The following SRGAP2 variants were observed in gnomAD, a reference collection of about 807,000 sequenced individuals.
SRGAP2 encodes the protein SLIT-ROBO Rho GTPase activating protein 2, also known as SLIT-ROBO Rho GTPase-activating protein 2.
Under a neutral mutation model 57.2 loss-of-function variants are expected in SRGAP2, and 15 were observed. The observed-to-expected ratio is 0.26, with a 90% CI of 0.18 to 0.40. The LOEUF is 0.40. Among genes scored for constraint, SRGAP2 ranks in the 10% least tolerant of loss-of-function variants. The pLI is 1.00. For synonymous variants in SRGAP2, 249 were observed against 248.0 expected, an observed-to-expected ratio of 1.00 and a Z score of -0.04; for missense variants, 520 against 669.6, an observed-to-expected ratio of 0.78 and a Z score of 2.47.
chr1:206,365,310 C>T (rs558828857), intron 4 of SRGAP2, among the ~76,000 whole-genome samples: 118 of 150,908 alleles, frequency 7.8e-4, no homozygotes, highest in Admixed American at 2.1e-3. Context: ...AGGGTACACC[C>T]CTCTTATATT....
chr1:206,267,012 A>G (rs1308308829), intron 2 of SRGAP2, among the ~76,000 whole-genome samples: 2 of 119,520 alleles, frequency 1.7e-5, no homozygotes, highest in African/African-American at 6.6e-5. Flanking sequence ...TCTGTCGCCC[A>G]GGCTGGAGTG....
At chr1:206,455,110 T>C (rs1165866638) in intron 21 of SRGAP2, 86 bp downstream of exon 21, 2 of 773,546 alleles carry the variant, frequency 2.6e-6, no homozygotes, top group African/African-American at 1.7e-5. Flanking sequence ...TCTCCATTCC[T>C]GTGCTGCACG....
chr1:206,242,698 C>CACAT (rs1273114356), intron 2 of SRGAP2, among the ~76,000 whole-genome samples: 1 of 115,502 alleles, frequency 8.7e-6, no homozygotes, highest in African/African-American at 3.4e-5. Flanking sequence ...TGGTGAGGCT[C>CACAT]ACATACAAAC....
intron 2 of SRGAP2, among the ~76,000 whole-genome samples, chr1:206,236,311 A>G (rs2102532860): frequency 6.6e-6 from 1 of 152,332 alleles, no homozygotes; most frequent in African/African-American, 2.4e-5. Context: ...TTCTAGGCGA[A>G]TAAACCGAAA....
intron 2 of SRGAP2, among the ~76,000 whole-genome samples, chr1:206,226,791 T>C (rs142699448): frequency 6.6e-6 from 1 of 152,336 alleles, no homozygotes. Context: ...TTCTGGGCCA[T>C]ACGTGAAATG....
At chr1:206,307,826 G>A (rs1360027298) in intron 3 of SRGAP2, among the ~76,000 whole-genome samples, 3 of 151,774 alleles carry the variant, frequency 2.0e-5, no homozygotes, top group East Asian at 1.9e-4. Context: ...GTTCCCGCTC[G>A]TGCCTCTCCC....
chr1:206,279,538 C>A (rs1255425269), intron 2 of SRGAP2, among the ~76,000 whole-genome samples: 2 of 114,588 alleles, frequency 1.7e-5, no homozygotes, highest in Non-Finnish European at 3.5e-5. Flanking sequence ...ACCTCAGCCT[C>A]CCAAGTAGCT....
intron 18 of SRGAP2, among the ~76,000 whole-genome samples, chr1:206,446,751 A>C (rs1553373986): frequency 6.6e-6 from 1 of 152,164 alleles, no homozygotes; most frequent in Non-Finnish European, 1.5e-5. Flanking sequence ...TGAGTTTGTA[A>C]GCTGGCACTT....
chr1:206,347,849 C>T (rs1675760204), intron 4 of SRGAP2, among the ~76,000 whole-genome samples: 1 of 150,722 alleles, frequency 6.6e-6, no homozygotes, highest in East Asian at 1.9e-4. Flanking sequence ...GTTTTTCCTA[C>T]CTGGGGTTGG....
intron 2 of SRGAP2, among the ~76,000 whole-genome samples, chr1:206,283,636 A>G (rs1371526624): frequency 1.3e-5 from 2 of 151,826 alleles, no homozygotes; most frequent in Non-Finnish European, 1.5e-5. Context: ...AGATCATGCC[A>G]CTGTACTCCA....
At chr1:206,277,831 T>G (rs1670499545) in intron 2 of SRGAP2, among the ~76,000 whole-genome samples, 1 of 152,110 alleles carries the variant, frequency 6.6e-6, no homozygotes, top group Non-Finnish European at 1.5e-5. Context: ...ATTTAAAAAA[T>G]TAGCCGGCAT....
chr1:206,325,425 C>G (rs1352683097), intron 3 of SRGAP2, among the ~76,000 whole-genome samples: 8 of 151,444 alleles, frequency 5.3e-5, no homozygotes, highest in Non-Finnish European at 1.0e-4. Flanking sequence ...CTCACTGCAA[C>G]CTCTGCCTCC....
chr1:206,232,353 C>T (rs1667695498), intron 2 of SRGAP2, among the ~76,000 whole-genome samples: 1 of 150,276 alleles, frequency 6.7e-6, no homozygotes, highest in Non-Finnish European at 1.5e-5. Flanking sequence ...AATACATAGC[C>T]AGGGAGATCC....
chr1:206,359,798 CT>C (rs1166916482), intron 4 of SRGAP2, among the ~76,000 whole-genome samples: 860 of 70,162 alleles, frequency 0.012, no homozygotes, highest in South Asian at 0.027. Flanking sequence ...GGATATTGCT[CT>C]TTTTTTTTTT....
chr1:206,433,981 C>T lies in SRGAP2; in HGVS notation c.1556-2984C>T, dbSNP rs1171649200. Among the ~76,000 whole-genome samples, 5 of 152,094 alleles carry T rather than the reference C, an allele frequency of 3.3e-5. No homozygotes were observed. In the South Asian group the frequency reaches 1.0e-3, roughly 32 times the overall value. On this transcript the variant is annotated intron_variant, in intron 14 of 22. Transcript: ENST00000573034. ...AGTAGCTGCTCAAAAAACATCTGTT[C>T]CACTAAATTGATTTTTCCCAAATAG...
chr1:206,410,537 G>A (rs535106988), intron 10 of SRGAP2, among the ~76,000 whole-genome samples: 1 of 152,222 alleles, frequency 6.6e-6, no homozygotes, highest in African/African-American at 2.4e-5. Flanking sequence ...TCCTTCCAGA[G>A]ATACTCTATG....
chr1:206,312,582 G>T lies in SRGAP2; in HGVS notation c.260+9109G>T, dbSNP rs377018576. The stretch of plus-strand genomic sequence containing the variant: ...GACTCCATGGCAGCCTGACCCTCTG[G>T]TTCCATCCCTCTCCTTCTTTCTCCT... On this transcript the variant is annotated intron_variant, in intron 3 of 22. Transcript: ENST00000573034. Among the ~76,000 whole-genome samples the T allele has an allele frequency of 1.5e-3, 228 of 150,586 alleles. 1 individual carries two copies. The East Asian group carries it at 0.033, about 22-fold the overall frequency.
At chr1:206,459,310 G>C (rs1278067659) in intron 22 of SRGAP2, among the ~76,000 whole-genome samples, 1 of 151,536 alleles carries the variant, frequency 6.6e-6, no homozygotes, top group African/African-American at 2.5e-5. Context: ...TTGAGGATCA[G>C]GTGTAATCCT....
At position 206,455,411 on chromosome 1, in the gene SRGAP2, T is replaced by C; in HGVS notation, c.2507+387T>C. 2 of 247,488 alleles carry C rather than the reference T, an allele frequency of 8.1e-6. 1 individual carries two copies. The highest frequency in any genetic ancestry group is 8.9e-5 in the South Asian group (2 of 22,570). The allele number at this position is 247,488 out of a possible 1,614,324, so 15.3% of individuals were successfully genotyped here. The stretch of plus-strand genomic sequence containing the variant: ...TTTTTTCCAATCCATACTCAAATAA[T>C]AGTCTTTGATGTCTGTCTTCCTTGA... On this transcript the variant is annotated intron_variant, in intron 21 of 22. Transcript: ENST00000573034.
Sources: gnomAD v4.1 joint callset for allele counts (sites outside exome capture counted in the v4.1 genomes callset) on GRCh38, gnomAD v4.1.1 for gene constraint, MANE v1.5 for transcripts, NCBI Gene and HGNC (gene_info 2026-07-23, HGNC 2026-07-21) for gene names.